The following ACCSL variants were observed in gnomAD, a reference collection of about 807,000 sequenced individuals.
ACCSL encodes the protein probable inactive 1-aminocyclopropane-1-carboxylate synthase-like protein 2.
Under a neutral mutation model 61.7 loss-of-function variants are expected in ACCSL, and 55 were observed. The observed-to-expected ratio is 0.89, with a 90% CI of 0.72 to 1.12. The LOEUF (loss-of-function observed/expected upper bound fraction) is 1.12, where lower values mean the gene tolerates loss of function less well. Ranked by LOEUF, ACCSL falls within the 50% of genes most tolerant of loss-of-function variation. ACCSL has a pLI of 0.00. For missense variants in ACCSL, 632 were observed against 698.0 expected (o/e 0.91, Z 1.07); for synonymous variants, 258 against 264.3 (o/e 0.98, Z 0.23).
chr11:43,963,961 G>A, the ACCSL span, among the ~76,000 whole-genome samples: 4 of 151,792 alleles, frequency 2.6e-5, no homozygotes, highest in Non-Finnish European at 4.4e-5. Context: ...TTATTTGCCT[G>A]GTATGCCATT....
chr11:43,952,990 A>T, the ACCSL span, among the ~76,000 whole-genome samples: 2 of 152,034 alleles, frequency 1.3e-5, no homozygotes, highest in Admixed American at 1.3e-4. Context: ...TGCTATGCAC[A>T]GTGACTGCTG....
the ACCSL span, among the ~76,000 whole-genome samples, chr11:43,985,828 A>G: frequency 6.6e-6 from 1 of 152,146 alleles, no homozygotes; most frequent in Non-Finnish European, 1.5e-5. Flanking sequence ...CCTGAGGTCA[A>G]GAGTTCGAGA....
chr11:43,978,092 C>G, the ACCSL span, among the ~76,000 whole-genome samples: 97 of 150,480 alleles, frequency 6.4e-4, no homozygotes, highest in African/African-American at 2.2e-3. Flanking sequence ...TCACTGCAAC[C>G]TCCACCTCCC....
At chr11:43,969,475 T>A in the ACCSL span, among the ~76,000 whole-genome samples, 1 of 152,162 alleles carries the variant, frequency 6.6e-6, no homozygotes, top group African/African-American at 2.4e-5. Flanking sequence ...ATTAGTGAGG[T>A]AGTATATGCA....
At chr11:43,959,599 G>A in the ACCSL span, among the ~76,000 whole-genome samples, 48,572 of 151,974 alleles carry the variant, frequency 0.32, 7,983 homozygotes, top group Non-Finnish European at 0.37. Context: ...GGGACTGGGC[G>A]GTGGCAGACC....
the ACCSL span, among the ~76,000 whole-genome samples, chr11:43,967,152 GTTC>G: frequency 3.9e-4 from 41 of 105,128 alleles, no homozygotes; most frequent in African/African-American, 1.5e-3. Context: ...AGTTCTTCCA[GTTC>G]TTCTTCTTCT....
At chr11:43,959,151 A>G in the ACCSL span, among the ~76,000 whole-genome samples, 1 of 152,192 alleles carries the variant, frequency 6.6e-6, no homozygotes, top group Non-Finnish European at 1.5e-5. Flanking sequence ...TTTGGAGAAG[A>G]CACAATCAAA....
chr11:44,015,597 C>T, the ACCSL span, among the ~76,000 whole-genome samples: 1 of 152,212 alleles, frequency 6.6e-6, no homozygotes, highest in Non-Finnish European at 1.5e-5. Flanking sequence ...CCAAAGCCTC[C>T]TAAGAGCCAG....
the ACCSL span, among the ~76,000 whole-genome samples, chr11:43,970,071 C>G: frequency 6.6e-6 from 1 of 152,048 alleles, no homozygotes; most frequent in African/African-American, 2.4e-5. Flanking sequence ...AATCCCAGAA[C>G]TTGGGAGACC....
chr11:43,925,416 C>T, the ACCSL span: 6 of 456,086 alleles, frequency 1.3e-5, no homozygotes, highest in East Asian at 1.4e-4. Context: ...TGATCGTCTC[C>T]ACGCTGCACC....
At chr11:43,949,130 ATGAC>A in the ACCSL span, among the ~76,000 whole-genome samples, 1 of 152,172 alleles carries the variant, frequency 6.6e-6, no homozygotes, top group Admixed American at 6.5e-5. Context: ...GCACACAGGC[ATGAC>A]TCCTTTTCAG....
chr11:44,008,987 C>T, the ACCSL span, among the ~76,000 whole-genome samples: 5 of 151,974 alleles, frequency 3.3e-5, no homozygotes, highest in African/African-American at 9.6e-5. Context: ...GGCAACATGG[C>T]GAGACCCTGT....
chr11:44,023,501 T>C, the ACCSL span, among the ~76,000 whole-genome samples: 2 of 152,152 alleles, frequency 1.3e-5, no homozygotes, highest in East Asian at 3.8e-4. Flanking sequence ...ACTCATGTCC[T>C]CCTCTTTCAT....
At chr11:44,029,981 T>C in the ACCSL span, among the ~76,000 whole-genome samples, 1 of 115,472 alleles carries the variant, frequency 8.7e-6, no homozygotes, top group Non-Finnish European at 1.7e-5. Context: ...TTTATTTTAT[T>C]TTATTTTATT....
chr11:43,953,536 A>AG, the ACCSL span, among the ~76,000 whole-genome samples: 1 of 151,880 alleles, frequency 6.6e-6, no homozygotes. Context: ...AAAAAAAAAA[A>AG]AAAAGGATGA....
chr11:44,023,863 T>C, the ACCSL span, among the ~76,000 whole-genome samples: 22 of 152,364 alleles, frequency 1.4e-4, no homozygotes, highest in South Asian at 2.9e-3. Context: ...TTTATTAATC[T>C]CAGATCATTT....
the ACCSL span, among the ~76,000 whole-genome samples, chr11:43,926,837 C>A: frequency 6.6e-6 from 1 of 152,160 alleles, no homozygotes; most frequent in Non-Finnish European, 1.5e-5. Context: ...GCAGCCTTGA[C>A]CTCCCCGGGC....
chr11:43,944,355 C>T, the ACCSL span: 550 of 160,332 alleles, frequency 3.4e-3, 14 homozygotes, highest in East Asian at 0.057. Flanking sequence ...GGAGGCCAGC[C>T]TGGGTTGGTC....
intron 3 of ACCSL, 96 bp from the exon 4 acceptor site, chr11:44,051,239 T>C: frequency 2.4e-6 from 3 of 1,255,438 alleles, no homozygotes; most frequent in Non-Finnish European, 3.5e-6. Context: ...TTGGACTGAG[T>C]AGAAAAGGTC....
Sources: gnomAD v4.1 joint callset for allele counts (sites outside exome capture counted in the v4.1 genomes callset) on GRCh38, gnomAD v4.1.1 for gene constraint, MANE v1.5 for transcripts, NCBI Gene and HGNC (gene_info 2026-07-23, HGNC 2026-07-21) for gene names.